The following SLC35F4 variants were observed in gnomAD, a reference collection of about 807,000 sequenced individuals.
SLC35F4 encodes solute carrier family 35 member F4, also known as chromosome 14 open reading frame 36.
SLC35F4 carries 24 observed loss-of-function variants against 44.2 expected under a neutral mutation model. The observed-to-expected ratio is 0.54, with a 90% CI of 0.39 to 0.76. SLC35F4 has a LOEUF of 0.76. SLC35F4 is among the 30% of genes least tolerant of loss of function. The probability of loss-of-function intolerance (pLI) is 0.00; values close to 1 mark genes in which losing one functional copy is unlikely to be tolerated. For synonymous variants in SLC35F4, 238 were observed against 223.6 expected (o/e 1.06, Z -0.57); for missense variants, 562 against 586.1 (o/e 0.96, Z 0.42).
intron 1 of SLC35F4, among the ~76,000 whole-genome samples, chr14:57,609,984 T>C (rs1462756178): frequency 1.3e-5 from 2 of 152,170 alleles, no homozygotes. Context: ...ATAGAAGTTA[T>C]CCAGTATCAG....
chr14:57,965,599 T>C (rs1241837207), intron 1 of SLC35F4, among the ~76,000 whole-genome samples: 2 of 152,182 alleles, frequency 1.3e-5, no homozygotes, highest in East Asian at 1.9e-4. Flanking sequence ...TCCTAAATTA[T>C]AACATTAAAT....
chr14:57,942,196 A>G (rs1889928275), intron 1 of SLC35F4, among the ~76,000 whole-genome samples: 2 of 152,232 alleles, frequency 1.3e-5, no homozygotes, highest in African/African-American at 4.8e-5. Flanking sequence ...CTTCTTACAG[A>G]GAATGTTCCA....
chr14:57,610,219 G>T (rs1371670692), intron 1 of SLC35F4, among the ~76,000 whole-genome samples: 2 of 152,148 alleles, frequency 1.3e-5, no homozygotes, highest in East Asian at 3.9e-4. Context: ...AGGGAAAAGA[G>T]ACTGAAAAAC....
At chr14:57,603,319 T>C (rs1481834530) in intron 1 of SLC35F4, among the ~76,000 whole-genome samples, 2 of 152,220 alleles carry the variant, frequency 1.3e-5, no homozygotes, top group Non-Finnish European at 2.9e-5. Context: ...TCAGCCCAGT[T>C]ATCAACTCCT....
At position 57,758,470 on chromosome 14, in the gene SLC35F4, G is replaced by GT. The variant is rs1273745190; in HGVS notation, c.103+107252dup. 4.6e-5 allele frequency among the ~76,000 whole-genome samples: 7 copies of GT among 151,768 alleles called. No homozygotes were observed. In the East Asian group the frequency reaches 7.7e-4, roughly 17 times the overall value. On this transcript the variant is annotated intron_variant, in intron 1 of 7. Transcript: ENST00000556826. Reference sequence around the variant, plus strand: ...ATTTGCCAATAATCCTATTCAGTATGTTTTTTATCCCAGATATTATAGTTT... The same window carrying GT: ...ATTTGCCAATAATCCTATTCAGTATGTTTTTTTATCCCAGATATTATAGTTT...
chr14:57,783,505 T>C (rs914955569), intron 1 of SLC35F4, among the ~76,000 whole-genome samples: 2 of 152,154 alleles, frequency 1.3e-5, no homozygotes, highest in Admixed American at 6.6e-5. Context: ...GCAAATGTAG[T>C]TGGGTTTATC....
At chr14:57,833,016 C>G (rs540842109) in intron 1 of SLC35F4, among the ~76,000 whole-genome samples, 1 of 152,124 alleles carries the variant, frequency 6.6e-6, no homozygotes, top group African/African-American at 2.4e-5. Context: ...TGTAGGAACA[C>G]GAGAGCAGGT....
intron 1 of SLC35F4, among the ~76,000 whole-genome samples, chr14:57,788,042 G>GGACTCA (rs1343361867): frequency 6.6e-6 from 1 of 151,946 alleles, no homozygotes; most frequent in Non-Finnish European, 1.5e-5. Flanking sequence ...TAACACATAA[G>GGACTCA]GACTCACATA....
At chr14:57,697,471 G>A (rs535367334) in intron 1 of SLC35F4, among the ~76,000 whole-genome samples, 5 of 152,018 alleles carry the variant, frequency 3.3e-5, no homozygotes, top group South Asian at 2.1e-4. Context: ...AGGCCGAGGC[G>A]GGCAGATTGC....
At chr14:57,829,543 G>A (rs970961353) in intron 1 of SLC35F4, among the ~76,000 whole-genome samples, 1 of 152,202 alleles carries the variant, frequency 6.6e-6, no homozygotes, top group Non-Finnish European at 1.5e-5. Flanking sequence ...GGCCAAGTCT[G>A]CAGGAAAGAT....
At chr14:57,900,408 T>A (rs931640826) in intron 1 of SLC35F4, among the ~76,000 whole-genome samples, 5 of 152,026 alleles carry the variant, frequency 3.3e-5, no homozygotes, top group African/African-American at 1.2e-4. Context: ...CGGGGTCATG[T>A]GCTCACCTCT....
At chr14:57,610,143 T>C (rs949798739) in intron 1 of SLC35F4, among the ~76,000 whole-genome samples, 42 of 152,328 alleles carry the variant, frequency 2.8e-4, no homozygotes, top group African/African-American at 5.8e-4. Context: ...TTCCAGACAT[T>C]GAACTAGACC....
intron 1 of SLC35F4, among the ~76,000 whole-genome samples, chr14:57,743,534 G>C (rs956854657): frequency 6.6e-6 from 1 of 152,148 alleles, no homozygotes; most frequent in African/African-American, 2.4e-5. Flanking sequence ...GGAAGAAGTT[G>C]AATCCCTGAA....
At chr14:57,946,660 G>A (rs1350213970) in intron 1 of SLC35F4, among the ~76,000 whole-genome samples, 1 of 151,564 alleles carries the variant, frequency 6.6e-6, no homozygotes, top group Non-Finnish European at 1.5e-5. Flanking sequence ...ATTTTTAGTA[G>A]AGATAGGGTT....
At chr14:57,678,607 G>A (rs111337832) in intron 1 of SLC35F4, among the ~76,000 whole-genome samples, 1 of 151,708 alleles carries the variant, frequency 6.6e-6, no homozygotes, top group African/African-American at 2.4e-5. Context: ...CCACTACTGT[G>A]CTGTATTCAG....
chr14:57,827,742 T>G (rs8009953), intron 1 of SLC35F4, among the ~76,000 whole-genome samples: 22,851 of 151,678 alleles, frequency 0.15, 2,168 homozygotes, highest in African/African-American at 0.26. Context: ...GTGATTTTTT[T>G]GTTAACAACC....
chr14:57,700,326 T>C (rs1453431914), intron 1 of SLC35F4, among the ~76,000 whole-genome samples: 2 of 152,112 alleles, frequency 1.3e-5, no homozygotes, highest in African/African-American at 2.4e-5. Flanking sequence ...ATGGTACACC[T>C]GTATAGGGCA....
intron 1 of SLC35F4, among the ~76,000 whole-genome samples, chr14:57,879,954 AGAAG>A (rs1888483833): frequency 6.6e-6 from 1 of 151,300 alleles, no homozygotes; most frequent in Non-Finnish European, 1.5e-5. Flanking sequence ...GAGGGATTAA[AGAAG>A]GAAGGAAGGA....
chr14:57,625,413 G>T (rs1034992396), intron 1 of SLC35F4, among the ~76,000 whole-genome samples: 3 of 152,084 alleles, frequency 2.0e-5, no homozygotes, highest in Non-Finnish European at 2.9e-5. Context: ...TCCCTATCAA[G>T]CTACCATTGA....
Sources: gnomAD v4.1 joint callset for allele counts (sites outside exome capture counted in the v4.1 genomes callset) on GRCh38, gnomAD v4.1.1 for gene constraint, MANE v1.5 for transcripts, NCBI Gene and HGNC (gene_info 2026-07-23, HGNC 2026-07-21) for gene names.